SWT1: variants seen among roughly 807,000 people sequenced by gnomAD.
SWT1 encodes the protein SWT1 RNA endoribonuclease homolog.
Under a neutral mutation model 107.3 loss-of-function variants are expected in SWT1, and 33 were observed. The observed-to-expected ratio is 0.31, with a 90% CI of 0.23 to 0.41. The LOEUF is 0.41. SWT1 is among the 10% of genes least tolerant of loss of function. SWT1 has a pLI of 1.00. For synonymous variants in SWT1, 345 were observed against 348.3 expected, an observed-to-expected ratio of 0.99 and a Z score of 0.11; for missense variants, 898 against 1,028.9, an observed-to-expected ratio of 0.87 and a Z score of 1.74.
intron 10 of SWT1, among the ~76,000 whole-genome samples, chr1:185,191,632 T>G (rs958379770): frequency 6.6e-6 from 1 of 152,182 alleles, no homozygotes; most frequent in Non-Finnish European, 1.5e-5. Flanking sequence ...GAGCTTTCTA[T>G]CTATGAGTTT....
At chr1:185,277,671 C>T (rs1344502839) in intron 18 of SWT1, among the ~76,000 whole-genome samples, 1 of 152,118 alleles carries the variant, frequency 6.6e-6, no homozygotes, top group Non-Finnish European at 1.5e-5. Flanking sequence ...TCCCTGTGGT[C>T]CCCAGACCAT....
chr1:185,188,805 A>G (rs1439999060), intron 9 of SWT1, among the ~76,000 whole-genome samples: 1 of 152,178 alleles, frequency 6.6e-6, no homozygotes, highest in African/African-American at 2.4e-5. Flanking sequence ...CCAAGACCTT[A>G]AATTATGATC....
chr1:185,286,208 A>G (rs929003152), intron 18 of SWT1, among the ~76,000 whole-genome samples: 13 of 151,898 alleles, frequency 8.6e-5, no homozygotes, highest in African/African-American at 3.1e-4. Context: ...ATATTCTTTA[A>G]TTTCCTTCAG....
intron 16 of SWT1, among the ~76,000 whole-genome samples, chr1:185,234,593 T>G (rs12240119): frequency 0.063 from 9,544 of 152,172 alleles, 672 homozygotes; most frequent in East Asian, 0.18. Flanking sequence ...TTTAATTGGG[T>G]CATTTAGCCC....
chr1:185,189,793 G>A (rs966789043), intron 9 of SWT1, among the ~76,000 whole-genome samples: 1 of 149,942 alleles, frequency 6.7e-6, no homozygotes, highest in East Asian at 1.9e-4. Context: ...TCTTTTATAT[G>A]TACATAAATA....
At position 185,174,647 on chromosome 1, in the gene SWT1, A is replaced by G. The variant is rs1302416943; in HGVS notation, c.500A>G (p.Gln167Arg). ...GATGTGAAACCTAAAGCCGAAGGCC[A>G]GGCAAGTGAAAATAAATGGTCTCAT... ...ASDVKPKAEGQASENKWSHLL... is the reference protein window; with the variant it reads ...ASDVKPKAEGRASENKWSHLL... Residue 167 changes from glutamine (Q) to arginine (R), a missense_variant, in exon 5 of 19, where the codon CAG becomes CGG. Gln to Arg is a conservative substitution (Grantham distance 43, BLOSUM62 1). Around this residue, in one of 6 missense-constraint regions of SWT1, gnomAD observed 382 missense variants for 362.4 expected, o/e 1.05. Transcript: ENST00000367500. 6.2e-6 allele frequency: 10 copies of G among 1,613,754 alleles called. No individual in the cohort carries two copies. The highest frequency in any genetic ancestry group is 1.1e-5 in the South Asian group (1 of 90,890).
chr1:185,244,376 T>A (rs1199046677), intron 16 of SWT1, among the ~76,000 whole-genome samples: 3 of 152,184 alleles, frequency 2.0e-5, no homozygotes, highest in Non-Finnish European at 4.4e-5. Context: ...ATTACAAACC[T>A]GTATGGCATG....
At chr1:185,196,924 C>T (rs1276027723) in intron 10 of SWT1, among the ~76,000 whole-genome samples, 5 of 152,118 alleles carry the variant, frequency 3.3e-5, no homozygotes, top group Admixed American at 2.0e-4. Flanking sequence ...TTCTTCTCTT[C>T]GTATTTGAGT....
chr1:185,203,142 A>G (rs892816519), intron 11 of SWT1, among the ~76,000 whole-genome samples: 3 of 152,226 alleles, frequency 2.0e-5, no homozygotes, highest in Non-Finnish European at 4.4e-5. Flanking sequence ...CAAGTGAAAC[A>G]GAGTATTCCT....
chr1:185,216,967 A>AG, intron 14 of SWT1, among the ~76,000 whole-genome samples: 1 of 151,432 alleles, frequency 6.6e-6, no homozygotes, highest in South Asian at 2.1e-4. Context: ...AAAAAAAAAG[A>AG]AAAGAAAAGA....
At chr1:185,206,921 A>G (rs1448538863) in intron 13 of SWT1, among the ~76,000 whole-genome samples, 158 bp downstream of exon 13, 8 of 152,252 alleles carry the variant, frequency 5.3e-5, no homozygotes, top group African/African-American at 1.7e-4. Flanking sequence ...AACTGGATGA[A>G]CAGATGCAGC....
At chr1:185,234,549 C>A (rs1660727230) in intron 16 of SWT1, among the ~76,000 whole-genome samples, 1 of 152,074 alleles carries the variant, frequency 6.6e-6, no homozygotes, top group African/African-American at 2.4e-5. Flanking sequence ...ACCAATGGAT[C>A]TTGATTCTTT....
At chr1:185,284,841 T>C (rs945930618) in intron 18 of SWT1, among the ~76,000 whole-genome samples, 11 of 151,880 alleles carry the variant, frequency 7.2e-5, no homozygotes, top group Admixed American at 1.3e-4. Flanking sequence ...TTCCAGTGCC[T>C]CTCTGGACCT....
intron 17 of SWT1, among the ~76,000 whole-genome samples, chr1:185,275,233 C>A (rs939292608): frequency 1.3e-5 from 2 of 151,796 alleles, no homozygotes; most frequent in Admixed American, 1.3e-4. Context: ...TTTGGTGGCC[C>A]GTGTTCTGAT....
intron 10 of SWT1, among the ~76,000 whole-genome samples, chr1:185,201,163 C>T (rs1257593611): frequency 1.3e-5 from 2 of 152,132 alleles, no homozygotes; most frequent in African/African-American, 4.8e-5. Context: ...GAATTTCAAG[C>T]CAGTGGATCT....
At chr1:185,177,418 A>C (rs569422263) in intron 5 of SWT1, among the ~76,000 whole-genome samples, 1 of 152,340 alleles carries the variant, frequency 6.6e-6, no homozygotes, top group Admixed American at 6.5e-5. Flanking sequence ...TAAGTTGCAG[A>C]AGAAGCAGTT....
Position 185,180,373 on chromosome 1 carries a change from A to C in SWT1, c.967-18A>C, listed in dbSNP as rs774283863. ...GGTTATGCTTTATTCTTAGCTAATG[A>C]AATTACTTTCATTTCAGAGTTTTGA... is the stretch of plus-strand genomic sequence containing the variant. On this transcript the variant is annotated intron_variant, in intron 5 of 18. Coordinates refer to ENST00000367500, the MANE Select transcript of SWT1 (RefSeq NM_017673.7). The C allele has an allele frequency of 8.7e-6, 14 of 1,603,890 alleles. No homozygotes were observed. The highest frequency in any genetic ancestry group is 1.1e-5 in the South Asian group (1 of 90,834).
chr1:185,236,197 C>G (rs942595893), intron 16 of SWT1, among the ~76,000 whole-genome samples: 1 of 152,150 alleles, frequency 6.6e-6, no homozygotes, highest in African/African-American at 2.4e-5. Context: ...GAAAAAACTA[C>G]TTTAAATTTC....
At chr1:185,254,293 T>G (rs1313524556) in intron 16 of SWT1, among the ~76,000 whole-genome samples, 1 of 131,948 alleles carries the variant, frequency 7.6e-6, no homozygotes, top group Non-Finnish European at 1.6e-5. Flanking sequence ...GCTGGCCTCA[T>G]AAAAAGAGTT....
Sources: gnomAD v4.1 joint callset for allele counts (sites outside exome capture counted in the v4.1 genomes callset) on GRCh38, gnomAD v4.1.1 for gene constraint, gnomAD v4.1.1 regional missense constraint, MANE v1.5 for transcripts, NCBI Gene and HGNC (gene_info 2026-07-23, HGNC 2026-07-21) for gene names.